Variants in WASF3 observed in about 807,000 individuals in gnomAD.
WASF3 encodes WASP family member 3, also known as actin-binding protein WASF3.
A neutral mutation model predicts 46.6 loss-of-function variants in WASF3; 11 were observed. The ratio of observed to expected loss-of-function variants is 0.24; its 90% CI spans 0.15 to 0.39. The LOEUF (loss-of-function observed/expected upper bound fraction) is 0.39, where lower values mean the gene tolerates loss of function less well. WASF3 is among the 10% of genes least tolerant of loss of function. WASF3 has a pLI of 1.00. For synonymous variants in WASF3, 242 were observed against 259.7 expected (o/e 0.93, Z 0.65); for missense variants, 576 against 669.8 (o/e 0.86, Z 1.55).
At chr13:26,625,661 T>C (rs1441654527) in intron 2 of WASF3, among the ~76,000 whole-genome samples, 4 of 152,180 alleles carry the variant, frequency 2.6e-5, no homozygotes, top group African/African-American at 9.7e-5. Flanking sequence ...GTCCACTGAT[T>C]CTAGTGCTGA....
the WASF3 span, among the ~76,000 whole-genome samples, chr13:26,545,060 A>G: frequency 6.6e-6 from 1 of 152,208 alleles, no homozygotes; most frequent in Admixed American, 6.5e-5. Context: ...GGCACTGGGC[A>G]TGGCTTGCTC....
At chr13:26,675,381 C>T (rs1883033355) in intron 6 of WASF3, among the ~76,000 whole-genome samples, 1 of 151,762 alleles carries the variant, frequency 6.6e-6, no homozygotes, top group Admixed American at 6.6e-5. Context: ...TGGCAGGCAC[C>T]TGACCCATAC....
the WASF3 span, among the ~76,000 whole-genome samples, chr13:26,541,985 A>G: frequency 4.6e-4 from 69 of 151,380 alleles, 4 homozygotes; most frequent in African/African-American, 1.6e-3. Flanking sequence ...GGAGCTGTAC[A>G]TGGGGGACTG....
intron 1 of WASF3, among the ~76,000 whole-genome samples, chr13:26,591,841 C>T (rs549012601): frequency 4.6e-5 from 7 of 152,092 alleles, no homozygotes; most frequent in South Asian, 4.2e-4. Context: ...TTCTTGAGGT[C>T]GGGGATGCTT....
At chr13:26,589,564 T>C (rs561477301) in intron 1 of WASF3, among the ~76,000 whole-genome samples, 3 of 152,344 alleles carry the variant, frequency 2.0e-5, no homozygotes, top group African/African-American at 7.2e-5. Context: ...CTTGCTGTTT[T>C]GGCTTTAGTT....
At chr13:26,669,480 TTAATA>T (rs1283389380) in intron 5 of WASF3, among the ~76,000 whole-genome samples, 2 of 150,902 alleles carry the variant, frequency 1.3e-5, no homozygotes, top group South Asian at 2.1e-4. Context: ...CAATATTGTC[TTAATA>T]TAAGAAGTAC....
At chr13:26,554,433 A>T (rs185849789), upstream of WASF3, among the ~76,000 whole-genome samples, 93 of 152,174 alleles carry the variant, frequency 6.1e-4, 2 homozygotes, top group African/African-American at 2.2e-3. Context: ...ACATAGCCCA[A>T]AAACTTCTTA....
At chr13:26,565,990 A>T (rs1879453054) in intron 1 of WASF3, among the ~76,000 whole-genome samples, 1 of 152,194 alleles carries the variant, frequency 6.6e-6, no homozygotes, top group Admixed American at 6.5e-5. Context: ...TTGTGTAGGG[A>T]TTAGGCACCG....
chr13:26,564,046 T>C (rs907191048), intron 1 of WASF3, among the ~76,000 whole-genome samples: 2 of 152,198 alleles, frequency 1.3e-5, no homozygotes, highest in Non-Finnish European at 2.9e-5. Flanking sequence ...TTTGGTATTT[T>C]AATCTTTTCT....
chr13:26,636,350 T>C (rs981490962), intron 2 of WASF3, among the ~76,000 whole-genome samples: 2 of 152,192 alleles, frequency 1.3e-5, no homozygotes, highest in African/African-American at 4.8e-5. Flanking sequence ...GGTCTGCTGG[T>C]TGCTAAGACT....
In WASF3 at chr13:26,647,833, C is replaced by A. The variant is rs536394611; in HGVS notation, c.133+5430C>A. Among the ~76,000 whole-genome samples the A allele has an allele frequency of 1.2e-4, 18 of 151,930 alleles. 1 individual carries two copies. The highest frequency in any genetic ancestry group is 3.9e-4 in the African/African-American group (16 of 41,448). Reference sequence around the variant, plus strand: ...ATAGAAAATTTAGCATAGAAACACACAAAAGAGTCAACTTTACAAAATTCC... The same window carrying A: ...ATAGAAAATTTAGCATAGAAACACAAAAAAGAGTCAACTTTACAAAATTCC... On this transcript the variant is annotated intron_variant, in intron 3 of 9. Transcript: ENST00000335327.
chr13:26,638,030 CT>C (rs1222080858), intron 2 of WASF3: 1 of 152,414 alleles, frequency 6.6e-6, no homozygotes, highest in Non-Finnish European at 1.5e-5. Context: ...AAACCTGACC[CT>C]TGCAGTGGGG....
chr13:26,543,467 A>G, the WASF3 span, among the ~76,000 whole-genome samples: 1 of 152,214 alleles, frequency 6.6e-6, no homozygotes, highest in South Asian at 2.1e-4. Context: ...GAGAAATATT[A>G]TTATTACTAG....
At chr13:26,643,817 G>C (rs1882070717) in intron 3 of WASF3, among the ~76,000 whole-genome samples, 1 of 152,144 alleles carries the variant, frequency 6.6e-6, no homozygotes, top group Admixed American at 6.5e-5. Context: ...TGTTTGCTTG[G>C]CCACAGTCTC....
At chr13:26,677,016 T>C (rs543396847) in intron 7 of WASF3, among the ~76,000 whole-genome samples, 19 of 152,340 alleles carry the variant, frequency 1.2e-4, no homozygotes, top group African/African-American at 4.3e-4. Flanking sequence ...GGGTAACTGC[T>C]TATGACTTAA....
intron 2 of WASF3, among the ~76,000 whole-genome samples, chr13:26,620,016 GTGGGC>G (rs1881258214): frequency 6.6e-6 from 1 of 152,182 alleles, no homozygotes; most frequent in African/African-American, 2.4e-5. Flanking sequence ...TGGGGATGTG[GTGGGC>G]AGAGCACCAG....
intron 3 of WASF3, among the ~76,000 whole-genome samples, chr13:26,657,635 G>A (rs1882506652): frequency 6.6e-6 from 1 of 152,220 alleles, no homozygotes; most frequent in Non-Finnish European, 1.5e-5. Flanking sequence ...ATGAGTTCAT[G>A]TGGTACTAAT....
intron 1 of WASF3, among the ~76,000 whole-genome samples, chr13:26,571,901 A>T (rs965204576): frequency 1.3e-5 from 2 of 152,106 alleles, no homozygotes; most frequent in African/African-American, 4.8e-5. Context: ...AAATTTATAG[A>T]TTTCTTTGTA....
In WASF3 at chr13:26,618,510, T is replaced by G. The variant is rs142060698; in HGVS notation, c.-11+5452T>G. ...CCCCCACCTCCGCCCCCCCGTCTCT[T>G]TCATACATGTAGGACTACATAGTAC... On this transcript the variant is annotated intron_variant, in intron 2 of 9. Transcript: ENST00000335327. 8.6e-5 allele frequency among the ~76,000 whole-genome samples: 12 copies of G among 139,400 alleles called. No homozygotes were observed. In the East Asian group the frequency reaches 2.8e-3, roughly 32 times the overall value. 91.5% of individuals were successfully genotyped at this position (139,400 alleles called of 152,430 possible).
Sources: allele counts gnomAD v4.1 joint callset (sites outside exome capture counted in the v4.1 genomes callset), GRCh38; gene constraint gnomAD v4.1.1; transcripts MANE v1.5; gene names NCBI Gene and HGNC (gene_info 2026-07-23, HGNC 2026-07-21).